SNRPN: variants seen among roughly 807,000 people sequenced by gnomAD.
The protein encoded by SNRPN is small nuclear ribonucleoprotein polypeptide N, also known as small nuclear ribonucleoprotein-associated protein N.
In SNRPN, 7 loss-of-function variants were observed where a neutral mutation model predicts 25.2. The observed-to-expected ratio is 0.28, with a 90% CI of 0.16 to 0.52. SNRPN has a LOEUF of 0.52. Ranked by LOEUF, SNRPN falls within the 20% of genes least tolerant of loss-of-function variation. SNRPN has a pLI of 0.96. For synonymous variants in SNRPN, 124 were observed against 110.6 expected (o/e 1.12, Z -0.76); for missense variants, 196 against 322.5 (o/e 0.61, Z 3.00).
chr15:24,941,220 A>G (rs2061534396), intron 3 of SNRPN, among the ~76,000 whole-genome samples: 1 of 152,158 alleles, frequency 6.6e-6, no homozygotes, highest in Admixed American at 6.5e-5. Context: ...CAGGTGATCC[A>G]TCTGCCTTGG....
intron 1 of SNRPN, among the ~76,000 whole-genome samples, chr15:24,870,012 C>A (rs1335499491): frequency 6.6e-6 from 1 of 152,084 alleles, no homozygotes; most frequent in African/African-American, 2.4e-5. Flanking sequence ...TTTCATAGCT[C>A]GAATTGTTCC....
At chr15:24,904,038 CAA>C (rs772062635) in intron 2 of SNRPN, among the ~76,000 whole-genome samples, 16 of 109,718 alleles carry the variant, frequency 1.5e-4, no homozygotes, top group Admixed American at 1.9e-4. Context: ...AGTCCTGTCT[CAA>C]AAAAAAAAAA....
At chr15:24,869,444 T>G (rs572845594) in intron 1 of SNRPN, among the ~76,000 whole-genome samples, 3 of 152,186 alleles carry the variant, frequency 2.0e-5, no homozygotes, top group African/African-American at 7.2e-5. Flanking sequence ...ATGAACACTT[T>G]GTGTTCCAGG....
chr15:24,865,634 A>G (rs1213199525), intron 1 of SNRPN, among the ~76,000 whole-genome samples: 2 of 152,188 alleles, frequency 1.3e-5, no homozygotes, highest in East Asian at 3.9e-4. Context: ...AGAGAAAAAG[A>G]TAAACCTCCT....
At chr15:24,839,467 TCCCCAC>T (rs1487215078) in intron 2 of SNRPN, among the ~76,000 whole-genome samples, 1 of 152,052 alleles carries the variant, frequency 6.6e-6, no homozygotes, top group Non-Finnish European at 1.5e-5. Context: ...ATAGTCTTTG[TCCCCAC>T]AAAGAGGCTC....
intron 3 of SNRPN, among the ~76,000 whole-genome samples, chr15:24,935,325 A>C (rs1376796051): frequency 6.6e-6 from 1 of 152,174 alleles, no homozygotes; most frequent in Non-Finnish European, 1.5e-5. Context: ...ATGAAACATA[A>C]ATATAAGTAC....
chr15:24,918,302 A>G (rs999645688), intron 2 of SNRPN, among the ~76,000 whole-genome samples: 14 of 145,278 alleles, frequency 9.6e-5, no homozygotes. Flanking sequence ...CATAACATAT[A>G]TATGCAAACA....
At chr15:24,876,615 T>TGAA (rs2055908206) in intron 1 of SNRPN, among the ~76,000 whole-genome samples, 1 of 69,892 alleles carries the variant, frequency 1.4e-5, no homozygotes, top group Admixed American at 1.4e-4. Flanking sequence ...AGACTCCATC[T>TGAA]CAAAAAAAAA....
intron 2 of SNRPN, among the ~76,000 whole-genome samples, chr15:24,847,347 A>C (rs1365691006): frequency 1.3e-5 from 2 of 152,186 alleles, no homozygotes; most frequent in Non-Finnish European, 2.9e-5. Flanking sequence ...TTTATTTAAA[A>C]ACTAAAATAT....
At chr15:24,831,177 T>C (rs2141515522) in intron 2 of SNRPN, among the ~76,000 whole-genome samples, 1 of 152,220 alleles carries the variant, frequency 6.6e-6, no homozygotes, top group South Asian at 2.1e-4. Flanking sequence ...CCCTTTATTA[T>C]CACATAAGGT....
At chr15:24,879,484 G>C (rs2056373765) in intron 1 of SNRPN, among the ~76,000 whole-genome samples, 1 of 151,918 alleles carries the variant, frequency 6.6e-6, no homozygotes, top group African/African-American at 2.4e-5. Context: ...TTGAAGCTCA[G>C]AAAATATATG....
At chr15:24,825,429 A>T (rs969247196) in intron 1 of SNRPN, among the ~76,000 whole-genome samples, 2 of 152,114 alleles carry the variant, frequency 1.3e-5, no homozygotes, top group African/African-American at 4.8e-5. Flanking sequence ...GATAAGATTT[A>T]CTGGTTTATT....
upstream of SNRPN, among the ~76,000 whole-genome samples, chr15:24,952,028 C>A (rs1181549561): frequency 6.6e-6 from 1 of 151,950 alleles, no homozygotes; most frequent in Admixed American, 6.6e-5. Context: ...TTCAAGGTTA[C>A]ACGGATTTAT....
intron 1 of SNRPN, among the ~76,000 whole-genome samples, chr15:24,881,556 G>A (rs138347560): frequency 1.1e-3 from 60 of 53,792 alleles, no homozygotes; most frequent in Non-Finnish European, 1.3e-3. Context: ...AGAGAGAGAG[G>A]GAGGGAGGGA....
At chr15:24,832,776 T>G (rs1241079583) in intron 2 of SNRPN, among the ~76,000 whole-genome samples, 1 of 151,912 alleles carries the variant, frequency 6.6e-6, no homozygotes, top group Non-Finnish European at 1.5e-5. Flanking sequence ...ATACACAGAC[T>G]TGCTGCAGCT....
intron 2 of SNRPN, among the ~76,000 whole-genome samples, chr15:24,891,848 T>C (rs2057704933): frequency 6.6e-6 from 1 of 152,166 alleles, no homozygotes; most frequent in Non-Finnish European, 1.5e-5. Flanking sequence ...TCAAAAGAGA[T>C]CTTCTAGCTA....
At chr15:24,862,856 A>T (rs2147645458) in intron 1 of SNRPN, among the ~76,000 whole-genome samples, 1 of 150,628 alleles carries the variant, frequency 6.6e-6, no homozygotes, top group Middle Eastern at 3.4e-3. Flanking sequence ...TGTCTGGCAC[A>T]GTTCAGGGCA....
intron 2 of SNRPN, chr15:24,909,871 G>T: frequency 1.3e-6 from 1 of 770,790 alleles, no homozygotes; most frequent in Admixed American, 2.0e-5. Flanking sequence ...GAGACCAGCA[G>T]GCACAGCGGC....
At chr15:24,941,030 G>A (rs1282128253) in intron 3 of SNRPN, among the ~76,000 whole-genome samples, 1 of 152,208 alleles carries the variant, frequency 6.6e-6, no homozygotes, top group South Asian at 2.1e-4. Context: ...AGGCTGGAGT[G>A]CAGTGGCACA....
Sources: allele counts gnomAD v4.1 joint callset (sites outside exome capture counted in the v4.1 genomes callset), GRCh38; gene constraint gnomAD v4.1.1; transcripts MANE v1.5; gene names NCBI Gene and HGNC (gene_info 2026-07-23, HGNC 2026-07-21).